Variants in KCNIP4 observed in about 807,000 individuals in gnomAD.
KCNIP4 encodes the protein Kv channel-interacting protein 4.
Under a neutral mutation model 34.0 loss-of-function variants are expected in KCNIP4, and 12 were observed. The observed-to-expected ratio is 0.35, with a 90% CI of 0.23 to 0.57. The LOEUF (loss-of-function observed/expected upper bound fraction) is 0.57. Among genes scored for constraint, KCNIP4 ranks in the 20% least tolerant of loss-of-function variants. KCNIP4 has a pLI of 0.83. For missense variants in KCNIP4, 238 were observed against 311.7 expected (o/e 0.76, Z 1.78); for synonymous variants, 124 against 102.2 (o/e 1.21, Z -1.29).
At chr4:21,267,316 T>C (rs991714064) in intron 1 of KCNIP4, among the ~76,000 whole-genome samples, 11 of 151,912 alleles carry the variant, frequency 7.2e-5, no homozygotes, top group East Asian at 1.9e-4. Context: ...CATGGTGTTA[T>C]GTTTGACTAA....
At chr4:21,586,990 G>C (rs540924888) in intron 1 of KCNIP4, among the ~76,000 whole-genome samples, 297 of 152,128 alleles carry the variant, frequency 2.0e-3, no homozygotes, top group Non-Finnish European at 2.6e-3. Context: ...CGCTAGCCAG[G>C]AGTGAAATGG....
chr4:21,895,102 T>C (rs1455316365), intron 1 of KCNIP4, among the ~76,000 whole-genome samples: 1 of 152,216 alleles, frequency 6.6e-6, no homozygotes, highest in Non-Finnish European at 1.5e-5. Flanking sequence ...ATGAATCAGT[T>C]GGACAATTTT....
At chr4:20,756,729 A>G (rs559511377) in intron 4 of KCNIP4, among the ~76,000 whole-genome samples, 98 of 152,042 alleles carry the variant, frequency 6.4e-4, no homozygotes, top group African/African-American at 2.3e-3. Context: ...CCACATCCCA[A>G]AGAGACCTTC....
At chr4:21,232,541 T>C (rs1318693876) in intron 1 of KCNIP4, among the ~76,000 whole-genome samples, 1 of 152,214 alleles carries the variant, frequency 6.6e-6, no homozygotes, top group Non-Finnish European at 1.5e-5. Flanking sequence ...GTATATCAAT[T>C]ATGAACAAAA....
chr4:21,934,682 C>T (rs1014277077), intron 1 of KCNIP4, among the ~76,000 whole-genome samples: 1 of 151,978 alleles, frequency 6.6e-6, no homozygotes, highest in Non-Finnish European at 1.5e-5. Flanking sequence ...GTACCACGTG[C>T]CACCCTCCAC....
At chr4:21,499,592 A>T (rs1733141826) in intron 1 of KCNIP4, among the ~76,000 whole-genome samples, 1 of 152,126 alleles carries the variant, frequency 6.6e-6, no homozygotes, top group Non-Finnish European at 1.5e-5. Context: ...TCATAATTAT[A>T]TCTATTTGGA....
rs1189218857 is a variant in KCNIP4, at chr4:21,239,220, T to C, written c.62-356511A>G. Among the ~76,000 whole-genome samples, 7 of 145,926 alleles carry C rather than the reference T, an allele frequency of 4.8e-5. 1 individual carries two copies. Among genetic ancestry groups the C allele is most frequent in the Non-Finnish European group, 1.1e-4 (7 of 65,608 alleles). ...CCTTCCTTACACCTTATACAAAAAT[T>C]AATTCAAGATGGATTAAAGACTTAC... On this transcript the variant is annotated intron_variant, in intron 1 of 8. Coordinates refer to ENST00000382152, the MANE Select transcript of KCNIP4 (RefSeq NM_025221.6).
chr4:21,311,190 A>C (rs78766320), intron 1 of KCNIP4, among the ~76,000 whole-genome samples: 20 of 152,254 alleles, frequency 1.3e-4, no homozygotes, highest in African/African-American at 4.8e-4. Flanking sequence ...TTCTAATTGA[A>C]TTATCTTAAT....
intron 1 of KCNIP4, among the ~76,000 whole-genome samples, chr4:21,803,139 G>A (rs572052221): frequency 2.6e-5 from 4 of 152,240 alleles, no homozygotes; most frequent in Non-Finnish European, 5.9e-5. Context: ...GGTTTTTGAC[G>A]TTAGTAAAGG....
chr4:21,018,981 C>A lies in KCNIP4; in HGVS notation c.62-136272G>T, dbSNP rs146358538. ...AATACCACACATCGGGTGGCTTAAA[C>A]CACAGAAGTGTATTTTCTCACTCTT... On this transcript the variant is annotated intron_variant, in intron 1 of 8. Coordinates refer to ENST00000382152, the MANE Select transcript of KCNIP4 (RefSeq NM_025221.6). Among the ~76,000 whole-genome samples the A allele has an allele frequency of 3.1e-3, 467 of 152,218 alleles. 1 individual carries two copies. The highest frequency in any genetic ancestry group is 0.01 in the African/African-American group (435 of 41,538).
chr4:21,248,992 T>G (rs911179827), intron 1 of KCNIP4, among the ~76,000 whole-genome samples: 4 of 152,208 alleles, frequency 2.6e-5, no homozygotes, highest in African/African-American at 9.6e-5. Context: ...GTAAGTATCA[T>G]GTGATTTTCT....
intron 1 of KCNIP4, among the ~76,000 whole-genome samples, chr4:21,435,379 A>G (rs1726860477): frequency 6.6e-6 from 1 of 152,210 alleles, no homozygotes; most frequent in African/African-American, 2.4e-5. Context: ...AAAGGTGGCT[A>G]GAAGCAATTT....
At chr4:21,440,373 A>G (rs1214492171) in intron 1 of KCNIP4, among the ~76,000 whole-genome samples, 1 of 152,244 alleles carries the variant, frequency 6.6e-6, no homozygotes, top group African/African-American at 2.4e-5. Context: ...TTCAGGAAGT[A>G]TCAAAAGCTA....
intron 1 of KCNIP4, among the ~76,000 whole-genome samples, chr4:20,908,756 T>C (rs1728045005): frequency 6.6e-6 from 1 of 152,210 alleles, no homozygotes; most frequent in South Asian, 2.1e-4. Context: ...TAGAGTTGCA[T>C]GGCTTGGGCA....
intron 3 of KCNIP4, among the ~76,000 whole-genome samples, chr4:20,794,229 C>G (rs1302431415): frequency 6.6e-6 from 1 of 152,138 alleles, no homozygotes; most frequent in Non-Finnish European, 1.5e-5. Flanking sequence ...CTCACATGAG[C>G]AGTTCACAGT....
At chr4:20,950,294 T>C (rs184996656) in intron 1 of KCNIP4, among the ~76,000 whole-genome samples, 2 of 152,182 alleles carry the variant, frequency 1.3e-5, no homozygotes, top group Admixed American at 1.3e-4. Context: ...CACTATTATC[T>C]TAGCTCATTA....
At chr4:20,934,060 CA>C (rs1441317678) in intron 1 of KCNIP4, among the ~76,000 whole-genome samples, 2 of 151,988 alleles carry the variant, frequency 1.3e-5, no homozygotes, top group African/African-American at 4.8e-5. Context: ...AAAGCATGCA[CA>C]AAAAAGATAT....
intron 5 of KCNIP4, among the ~76,000 whole-genome samples, chr4:20,739,792 C>G (rs568700246): frequency 6.6e-6 from 1 of 152,158 alleles, no homozygotes; most frequent in African/African-American, 2.4e-5. Flanking sequence ...TAACAAACTT[C>G]TCCGAACTAA....
chr4:21,506,710 C>T (rs118035152), intron 1 of KCNIP4, among the ~76,000 whole-genome samples: 2 of 152,272 alleles, frequency 1.3e-5, no homozygotes, highest in East Asian at 1.9e-4. Flanking sequence ...AAATATAATG[C>T]AAACTGCATG....
Sources: gnomAD v4.1 joint callset for allele counts (sites outside exome capture counted in the v4.1 genomes callset) on GRCh38, gnomAD v4.1.1 for gene constraint, MANE v1.5 for transcripts, NCBI Gene and HGNC (gene_info 2026-07-23, HGNC 2026-07-21) for gene names.